Variants in NEGR1 observed in about 807,000 individuals in gnomAD.
NEGR1 encodes neuronal growth regulator 1.
NEGR1 carries 10 observed loss-of-function variants against 40.9 expected under a neutral mutation model. The ratio of observed to expected loss-of-function variants is 0.24; its 90% CI spans 0.15 to 0.42. NEGR1 has a LOEUF of 0.42. NEGR1 is among the 10% of genes least tolerant of loss of function. The pLI, the probability that NEGR1 is intolerant of heterozygous loss-of-function variation, is 1.00. For missense variants in NEGR1, 352 were observed against 438.9 expected (o/e 0.80, Z 1.77); for synonymous variants, 185 against 166.8 (o/e 1.11, Z -0.84).
chr1:71,753,987 G>A (rs919601034), intron 3 of NEGR1, among the ~76,000 whole-genome samples: 18 of 152,124 alleles, frequency 1.2e-4, no homozygotes, highest in African/African-American at 4.1e-4. Flanking sequence ...GCAGACACCT[G>A]GGGTGATGAA....
chr1:72,264,624 A>G (rs1039987207), intron 1 of NEGR1, among the ~76,000 whole-genome samples: 19 of 150,704 alleles, frequency 1.3e-4, no homozygotes, highest in African/African-American at 4.1e-4. Context: ...TCCAAATTAA[A>G]ATAACATATA....
chr1:71,783,837 C>CCCATCCATCCAT (rs758122735), intron 2 of NEGR1, among the ~76,000 whole-genome samples: 275 of 136,948 alleles, frequency 2.0e-3, no homozygotes, highest in African/African-American at 6.3e-3. Context: ...CATCCATCCA[C>CCCATCCATCCAT]CCGTCCATCC....
intron 6 of NEGR1, among the ~76,000 whole-genome samples, chr1:71,426,242 C>G (rs1469672789): frequency 5.3e-5 from 8 of 152,218 alleles, no homozygotes; most frequent in Non-Finnish European, 1.0e-4. Flanking sequence ...TCCATTTAAG[C>G]TGCTATTTGC....
intron 6 of NEGR1, among the ~76,000 whole-genome samples, chr1:71,430,762 A>G (rs1479678816): frequency 3.2e-5 from 4 of 123,232 alleles, no homozygotes; most frequent in Non-Finnish European, 6.3e-5. Flanking sequence ...GCTGGAGTGC[A>G]GTGGCGCGAT....
intron 1 of NEGR1, among the ~76,000 whole-genome samples, chr1:72,067,325 A>G (rs1324627931): frequency 6.6e-6 from 1 of 152,018 alleles, no homozygotes; most frequent in Non-Finnish European, 1.5e-5. Context: ...TTCTGCTCAA[A>G]CTGGTTTGTA....
chr1:72,178,921 T>C (rs1652267021), intron 1 of NEGR1, among the ~76,000 whole-genome samples: 1 of 151,990 alleles, frequency 6.6e-6, no homozygotes. Context: ...TTAATTTGTT[T>C]GAGTTGCTTA....
At chr1:71,806,972 A>C (rs1296662134) in intron 2 of NEGR1, among the ~76,000 whole-genome samples, 1 of 143,716 alleles carries the variant, frequency 7.0e-6, no homozygotes, top group African/African-American at 2.6e-5. Flanking sequence ...CGCTTACCGC[A>C]AGCTCCACCT....
intron 6 of NEGR1, among the ~76,000 whole-genome samples, chr1:71,564,626 T>C (rs1648560060): frequency 6.6e-6 from 1 of 152,088 alleles, no homozygotes; most frequent in African/African-American, 2.4e-5. Flanking sequence ...AAAAATTTAA[T>C]CGCAATTTTT....
chr1:71,991,085 A>G (rs1439658908), intron 1 of NEGR1, among the ~76,000 whole-genome samples: 1 of 151,888 alleles, frequency 6.6e-6, no homozygotes, highest in African/African-American at 2.4e-5. Context: ...AGAAGCCATC[A>G]TTTTCTTTAT....
intron 2 of NEGR1, among the ~76,000 whole-genome samples, chr1:71,866,671 C>G (rs936878595): frequency 6.6e-6 from 1 of 152,072 alleles, no homozygotes; most frequent in African/African-American, 2.4e-5. Flanking sequence ...GTTATAGATT[C>G]TGAGAGGACA....
At chr1:71,476,429 T>C (rs1646821324) in intron 6 of NEGR1, among the ~76,000 whole-genome samples, 1 of 152,160 alleles carries the variant, frequency 6.6e-6, no homozygotes, top group South Asian at 2.1e-4. Context: ...GACCTTGGCT[T>C]CTGGGAGGTA....
Position 71,449,992 on chromosome 1 carries a change from A to AT in NEGR1, c.941-42423dup, listed in dbSNP as rs71783919. Reference sequence around the variant, plus strand: ...AAGACATTTTTGGAATTTTATATAGATTTTTTTTTTTTTTTTGAGACGGAG... The same window carrying AT: ...AAGACATTTTTGGAATTTTATATAGATTTTTTTTTTTTTTTTTGAGACGGAG... On this transcript the variant is annotated intron_variant, in intron 6 of 6. Coordinates refer to ENST00000357731, the MANE Select transcript of NEGR1 (RefSeq NM_173808.3). Among the ~76,000 whole-genome samples the AT allele has an allele frequency of 6.3e-3, 878 of 139,226 alleles. 3 individuals carry two copies. The highest frequency in any genetic ancestry group is 0.033 in the South Asian group (145 of 4,398). 91.3% of individuals were successfully genotyped at this position (139,226 alleles called of 152,430 possible).
intron 4 of NEGR1, among the ~76,000 whole-genome samples, chr1:71,667,009 T>C (rs1652266031): frequency 1.3e-5 from 2 of 152,178 alleles, no homozygotes; most frequent in Non-Finnish European, 2.9e-5. Context: ...TCTACTATTA[T>C]AGTATACATT....
intron 1 of NEGR1, among the ~76,000 whole-genome samples, chr1:72,218,721 G>T (rs1452233420): frequency 6.6e-6 from 1 of 151,556 alleles, no homozygotes; most frequent in Non-Finnish European, 1.5e-5. Context: ...AGAATGAAAA[G>T]AAAAATATTA....
intron 1 of NEGR1, among the ~76,000 whole-genome samples, chr1:71,944,930 A>T (rs1461750672): frequency 6.6e-6 from 1 of 152,216 alleles, no homozygotes; most frequent in Non-Finnish European, 1.5e-5. Context: ...ATAATTCAGT[A>T]TGAACTATGC....
At chr1:72,241,177 G>A (rs1194266) in intron 1 of NEGR1, among the ~76,000 whole-genome samples, 3,727 of 151,670 alleles carry the variant, frequency 0.025, 77 homozygotes, top group African/African-American at 0.041. Flanking sequence ...GTTTTATTTG[G>A]AAGTTAGATA....
intron 3 of NEGR1, among the ~76,000 whole-genome samples, chr1:71,706,745 T>C (rs1653914744): frequency 6.6e-6 from 1 of 151,818 alleles, no homozygotes; most frequent in Non-Finnish European, 1.5e-5. Flanking sequence ...ACACACCCTG[T>C]GTCAGAAGGA....
chr1:71,730,951 C>G (rs987471412), intron 3 of NEGR1, among the ~76,000 whole-genome samples: 2 of 144,832 alleles, frequency 1.4e-5, no homozygotes, highest in African/African-American at 5.1e-5. Flanking sequence ...AAAGAAATTA[C>G]CATGGAAAAG....
rs949862945 is a variant in NEGR1 at position 72,047,011 on chromosome 1, A to T, written c.177-111700T>A. Among the ~76,000 whole-genome samples the T allele has an allele frequency of 9.2e-5, 14 of 151,782 alleles. No individual in the cohort carries two copies. The South Asian group carries it at 2.9e-3, about 31-fold the overall frequency. On this transcript the variant is annotated intron_variant, in intron 1 of 6. Transcript: ENST00000357731. Reference sequence around the variant, plus strand: ...AAATACGCAGAATGGTAAACAGATTAAAAGAAAAGATTAACCACCCTTTCC... The same window carrying T: ...AAATACGCAGAATGGTAAACAGATTTAAAGAAAAGATTAACCACCCTTTCC...
Sources: allele counts gnomAD v4.1 joint callset (sites outside exome capture counted in the v4.1 genomes callset), GRCh38; gene constraint gnomAD v4.1.1; transcripts MANE v1.5; gene names NCBI Gene and HGNC (gene_info 2026-07-23, HGNC 2026-07-21).